Variants in METTL25 observed in about 807,000 individuals in gnomAD.
METTL25 encodes the protein methyltransferase like 25.
Under a neutral mutation model 71.6 loss-of-function variants are expected in METTL25, and 64 were observed. The ratio of observed to expected loss-of-function variants is 0.89; its 90% CI spans 0.73 to 1.10. The LOEUF (loss-of-function observed/expected upper bound fraction) is 1.10. Among genes scored for constraint, METTL25 ranks in the 50% least tolerant of loss-of-function variants. The pLI is 0.00. For synonymous variants in METTL25, 287 were observed against 250.3 expected (o/e 1.15, Z -1.38); for missense variants, 807 against 707.0 (o/e 1.14, Z -1.60).
chr12:82,374,574 T>A (rs1281719201), intron 1 of METTL25, among the ~76,000 whole-genome samples: 1 of 152,222 alleles, frequency 6.6e-6, no homozygotes, highest in Non-Finnish European at 1.5e-5. Context: ...GGTGCATTTA[T>A]AATCCTCTAG....
At chr12:82,361,587 G>A (rs1461077067) in intron 1 of METTL25, among the ~76,000 whole-genome samples, 6 of 152,204 alleles carry the variant, frequency 3.9e-5, no homozygotes, top group African/African-American at 1.4e-4. Context: ...GAGGCCCGGT[G>A]AGAATTCAAG....
chr12:82,366,308 G>T (rs1469293698), intron 1 of METTL25, among the ~76,000 whole-genome samples: 1 of 152,114 alleles, frequency 6.6e-6, no homozygotes, highest in Non-Finnish European at 1.5e-5. Flanking sequence ...CAGCTTCTGT[G>T]CCTGCCAAAG....
intron 8 of METTL25, among the ~76,000 whole-genome samples, chr12:82,441,689 A>G (rs1259620257): frequency 2.0e-5 from 3 of 151,684 alleles, no homozygotes; most frequent in East Asian, 1.9e-4. Context: ...AGAACCACCA[A>G]TAGGCACAGA....
chr12:82,432,193 C>T (rs1318262843), intron 6 of METTL25, among the ~76,000 whole-genome samples: 1 of 151,628 alleles, frequency 6.6e-6, no homozygotes, highest in African/African-American at 2.4e-5. Context: ...ATGCCTGTTA[C>T]ATAGCAATAT....
chr12:82,443,820 ACTC>A (rs1890540717), intron 8 of METTL25, among the ~76,000 whole-genome samples: 1 of 2,488 alleles, frequency 4.0e-4, no homozygotes, highest in African/African-American at 4.6e-4. Context: ...TAGAGCAAGA[ACTC>A]ACTCACTGTC....
chr12:82,377,041 A>G (rs906335189), intron 1 of METTL25, among the ~76,000 whole-genome samples: 1 of 152,050 alleles, frequency 6.6e-6, no homozygotes, highest in Admixed American at 6.6e-5. Context: ...TGAACCCAGG[A>G]GGCAGAGGTT....
intron 4 of METTL25, among the ~76,000 whole-genome samples, chr12:82,400,377 G>C (rs941208899): frequency 2.0e-5 from 3 of 151,762 alleles, no homozygotes; most frequent in Non-Finnish European, 2.9e-5. Flanking sequence ...AAATAAAAGA[G>C]ATAGTAGAGT....
At chr12:82,464,710 T>C (rs1455022876) in intron 9 of METTL25, among the ~76,000 whole-genome samples, 1 of 151,880 alleles carries the variant, frequency 6.6e-6, no homozygotes, top group African/African-American at 2.4e-5. Flanking sequence ...GGTAGTATGG[T>C]CATTTTAATA....
intron 1 of METTL25, among the ~76,000 whole-genome samples, chr12:82,367,929 T>TA (rs1882747244): frequency 6.6e-6 from 1 of 152,172 alleles, no homozygotes; most frequent in South Asian, 2.1e-4. Context: ...CTTGTGCACT[T>TA]TAGTTAAGCT....
At chr12:82,374,492 C>T (rs1883606679) in intron 1 of METTL25, among the ~76,000 whole-genome samples, 1 of 151,962 alleles carries the variant, frequency 6.6e-6, no homozygotes, top group African/African-American at 2.4e-5. Flanking sequence ...ACACAGAGTG[C>T]TGATTGGTGT....
chr12:82,377,365 C>A (rs1883982770), intron 1 of METTL25, among the ~76,000 whole-genome samples: 1 of 152,158 alleles, frequency 6.6e-6, no homozygotes, highest in Non-Finnish European at 1.5e-5. Context: ...TTTATTATAA[C>A]CATTTACTGT....
At chr12:82,398,143 T>C (rs912775147) in intron 3 of METTL25, among the ~76,000 whole-genome samples, 2 of 151,902 alleles carry the variant, frequency 1.3e-5, no homozygotes, top group African/African-American at 4.8e-5. Flanking sequence ...CAGTGTTTTA[T>C]AGTTTTCAAT....
At chr12:82,377,147 T>G (rs1175879430) in intron 1 of METTL25, among the ~76,000 whole-genome samples, 1 of 152,148 alleles carries the variant, frequency 6.6e-6, no homozygotes, top group Non-Finnish European at 1.5e-5. Context: ...ATATTGTAAT[T>G]TATTTCTACT....
chr12:82,378,854 C>A (rs755268599), intron 1 of METTL25, among the ~76,000 whole-genome samples: 1 of 151,944 alleles, frequency 6.6e-6, no homozygotes, highest in African/African-American at 2.4e-5. Flanking sequence ...ATAGTGAGAC[C>A]CTGTCTCTAG....
At position 82,386,855 on chromosome 12, in the gene METTL25, T is replaced by G. The variant is rs749156538; in HGVS notation, c.312T>G (p.Ser104Arg). Residue 104 changes from serine (S) to arginine (R), a missense_variant, in exon 2 of 12, where the codon AGT (serine) becomes AGG (arginine). Physicochemically the swap from Ser to Arg is moderately radical, Grantham distance 110. Transcript: ENST00000248306. ...GTGAAACTTCTCAGAAGTTGGTGAG[T>G]GTGGAAGCCTTTGCTCTGGCTGCGA... ...IFCETSQKLV[S>R]VEAFALAAKY... is the part of the protein sequence containing the mutation. 1 of 1,613,466 alleles carries G rather than the reference T, an allele frequency of 6.2e-7. No individual in the cohort carries two copies. Among genetic ancestry groups the G allele is most frequent in the South Asian group, 1.1e-5 (1 of 91,066 alleles).
At position 82,389,937 on chromosome 12, in the gene METTL25, G is replaced by C; in HGVS notation, c.531+15G>C. On this transcript the variant is annotated intron_variant, in intron 3 of 11. Coordinates refer to ENST00000248306, the MANE Select transcript of METTL25 (RefSeq NM_032230.3). ...GAATAAAGCAGGTAAGAGTATTTCC[G>C]TATGTTTTTAGGTGTTAAAATTATT... is the stretch of plus-strand genomic sequence containing the variant. 1 of 1,426,822 alleles carries C rather than the reference G, an allele frequency of 7.0e-7. No homozygotes were observed. The highest frequency in any genetic ancestry group is 9.8e-7 in the Non-Finnish European group (1 of 1,017,026). 88.4% of individuals were successfully genotyped at this position (1,426,822 alleles called of 1,614,324 possible).
rs370943296 is a variant in METTL25 at position 82,358,578 on chromosome 12, T to C, written c.13T>C (p.Cys5Arg). 1 of 1,611,578 alleles carries C rather than the reference T, an allele frequency of 6.2e-7. No individual in the cohort carries two copies. Among genetic ancestry groups the C allele is most frequent in the Non-Finnish European group, 8.5e-7 (1 of 1,179,870 alleles). The change falls in exon 1 of 12, where the codon TGC (cysteine) becomes CGC (arginine). Residue 5 changes from cysteine (C) to arginine (R), a missense_variant. By Grantham distance (180) the Cys-to-Arg change is radical (BLOSUM62 -3). Transcript: ENST00000248306. ...GAGGGTGAGCGTCATGGCGGCTTCT[T>C]GCCCTCTCCCGGTGACCCCGGACCT... MAAS[C>R]PLPVTPDLPT... is the part of the protein sequence containing the mutation.
At chr12:82,454,192 G>T (rs1891330303) in intron 8 of METTL25, among the ~76,000 whole-genome samples, 1 of 142,134 alleles carries the variant, frequency 7.0e-6, no homozygotes, top group Admixed American at 6.9e-5. Flanking sequence ...GAGAAACAAA[G>T]AAGAGAGAGT....
rs758683210 is a variant in METTL25, at chr12:82,358,894, CT to C, written c.259+71del. 9.1e-6 allele frequency: 14 copies of C among 1,530,626 alleles called. No homozygotes were observed. The African/African-American group carries it at 1.8e-4, about 20-fold the overall frequency. The allele number at this position is 1,530,626 out of a possible 1,614,324, so 94.8% of individuals were successfully genotyped here. A position where few individuals can be genotyped will look rare whatever the true frequency, so the allele number is the denominator to read the frequency against. On this transcript the variant is annotated intron_variant, in intron 1 of 11. Transcript: ENST00000248306. ...GGTCCCGGCAGACGAAGCGAGCCCCCTGGTGGAAGCCAGCAGAACCAGGTGC... is the reference window on the plus strand; with the variant it reads ...GGTCCCGGCAGACGAAGCGAGCCCCCGGTGGAAGCCAGCAGAACCAGGTGC...
Sources: gnomAD v4.1 joint callset for allele counts (sites outside exome capture counted in the v4.1 genomes callset) on GRCh38, gnomAD v4.1.1 for gene constraint, MANE v1.5 for transcripts, NCBI Gene and HGNC (gene_info 2026-07-23, HGNC 2026-07-21) for gene names.